The following STAG1 variants were observed in gnomAD, a reference collection of about 807,000 sequenced individuals.
The protein encoded by STAG1 is STAG1 cohesin complex component, also known as cohesin subunit SA-1.
STAG1 carries 26 observed loss-of-function variants against 170.9 expected under a neutral mutation model. That is an observed-to-expected ratio of 0.15 (90% CI 0.11 to 0.21). The LOEUF (loss-of-function observed/expected upper bound fraction) is 0.21. Among genes scored for constraint, STAG1 ranks in the 10% least tolerant of loss-of-function variants. The pLI, the probability that STAG1 is intolerant of heterozygous loss-of-function variation, is 1.00. For missense variants in STAG1, 964 were observed against 1,509.5 expected, an observed-to-expected ratio of 0.64 and a Z score of 5.99; for synonymous variants, 514 against 497.7, an observed-to-expected ratio of 1.03 and a Z score of -0.44.
chr3:136,446,980 T>A (rs2088799332), intron 14 of STAG1, among the ~76,000 whole-genome samples: 1 of 150,314 alleles, frequency 6.7e-6, no homozygotes, highest in Non-Finnish European at 1.5e-5. Context: ...ATTTTTGTAT[T>A]TTTAGTTGAG....
intron 12 of STAG1, among the ~76,000 whole-genome samples, chr3:136,470,089 T>A (rs2089585039): frequency 1.3e-5 from 2 of 152,128 alleles, no homozygotes; most frequent in Admixed American, 6.5e-5. Context: ...GGACTTCATG[T>A]CTAAAACACC....
At chr3:136,470,980 T>C (rs574165338) in intron 12 of STAG1, among the ~76,000 whole-genome samples, 3 of 123,402 alleles carry the variant, frequency 2.4e-5, no homozygotes, top group African/African-American at 8.9e-5. Context: ...CTGGGGACTG[T>C]TGTGGGGTGG....
At chr3:136,744,906 C>T (rs902264997) in intron 1 of STAG1, among the ~76,000 whole-genome samples, 2 of 152,144 alleles carry the variant, frequency 1.3e-5, no homozygotes, top group African/African-American at 2.4e-5. Flanking sequence ...CAACTTCTGA[C>T]CTCAAGTGAT....
chr3:136,701,596 TA>T (rs1943064029), intron 1 of STAG1, among the ~76,000 whole-genome samples: 1 of 152,160 alleles, frequency 6.6e-6, no homozygotes, highest in Non-Finnish European at 1.5e-5. Flanking sequence ...CCCCCGGATG[TA>T]AATATGTTGA....
At chr3:136,510,352 C>G (rs71336064) in intron 7 of STAG1, among the ~76,000 whole-genome samples, 30 of 152,220 alleles carry the variant, frequency 2.0e-4, no homozygotes, top group South Asian at 4.1e-4. Context: ...TGCAGTGGTG[C>G]GATCTCAGCT....
At chr3:136,684,489 C>T (rs1425838931) in intron 1 of STAG1, among the ~76,000 whole-genome samples, 2 of 152,156 alleles carry the variant, frequency 1.3e-5, no homozygotes, top group Non-Finnish European at 2.9e-5. Context: ...TTGGCTCGCG[C>T]CTGTAATTCC....
At chr3:136,381,654 T>C (rs1376168179) in intron 22 of STAG1, among the ~76,000 whole-genome samples, 1 of 152,192 alleles carries the variant, frequency 6.6e-6, no homozygotes, top group African/African-American at 2.4e-5. Context: ...AGAAGTCTTT[T>C]AAGGTTGATG....
intron 4 of STAG1, among the ~76,000 whole-genome samples, chr3:136,582,597 G>A (rs748732137): frequency 2.0e-5 from 3 of 152,162 alleles, no homozygotes; most frequent in South Asian, 2.1e-4. Context: ...TCAGGAGTTC[G>A]AGACCAGCCT....
At chr3:136,390,976 G>A (rs953255367) in intron 22 of STAG1, among the ~76,000 whole-genome samples, 13 of 152,178 alleles carry the variant, frequency 8.5e-5, no homozygotes, top group African/African-American at 2.7e-4. Context: ...GCCACTATCA[G>A]TCCCACCTTC....
chr3:136,706,373 A>G (rs554364310), intron 1 of STAG1, among the ~76,000 whole-genome samples: 10 of 152,266 alleles, frequency 6.6e-5, no homozygotes, highest in African/African-American at 2.2e-4. Flanking sequence ...CTAAACTGAT[A>G]AAAAAATTGA....
At chr3:136,485,259 C>T (rs542631065) in intron 9 of STAG1, among the ~76,000 whole-genome samples, 1 of 152,244 alleles carries the variant, frequency 6.6e-6, no homozygotes, top group Non-Finnish European at 1.5e-5. Context: ...AGATCGAGAA[C>T]ATCCTGGCAA....
chr3:136,560,307 A>G (rs779141869), intron 5 of STAG1, among the ~76,000 whole-genome samples: 1 of 152,232 alleles, frequency 6.6e-6, no homozygotes, highest in African/African-American at 2.4e-5. Context: ...TCTGTCAATG[A>G]AAACTACTTA....
chr3:136,740,264 C>T (rs1006272675), intron 1 of STAG1, among the ~76,000 whole-genome samples: 2 of 152,030 alleles, frequency 1.3e-5, no homozygotes, highest in Non-Finnish European at 2.9e-5. Context: ...AGAATTTTAA[C>T]GCAAACACTC....
chr3:136,555,540 G>A (rs1005522281), intron 5 of STAG1, among the ~76,000 whole-genome samples: 13 of 152,022 alleles, frequency 8.6e-5, no homozygotes, highest in Middle Eastern at 3.4e-3. Context: ...AAAAACAGCT[G>A]GGCATGGTGG....
chr3:136,531,638 T>C (rs1210054404), intron 6 of STAG1, among the ~76,000 whole-genome samples: 2 of 151,500 alleles, frequency 1.3e-5, no homozygotes, highest in Admixed American at 6.6e-5. Context: ...GAAATCATCA[T>C]TCTCAGTAAA....
chr3:136,588,384 T>C (rs1937954268), intron 4 of STAG1, among the ~76,000 whole-genome samples: 1 of 152,288 alleles, frequency 6.6e-6, no homozygotes, highest in Admixed American at 6.5e-5. Context: ...ATGCTCAGGC[T>C]GTAGTGCAAT....
At chr3:136,613,784 G>C (rs558417630) in intron 3 of STAG1, among the ~76,000 whole-genome samples, 2 of 152,076 alleles carry the variant, frequency 1.3e-5, no homozygotes, top group East Asian at 1.9e-4. Context: ...CACTGTGCCC[G>C]GCCAATTAAT....
At chr3:136,608,797 CAAAAAAAAAAAA>C (rs34993713) in intron 3 of STAG1, among the ~76,000 whole-genome samples, 7 of 79,192 alleles carry the variant, frequency 8.8e-5, no homozygotes, top group Admixed American at 3.1e-4. Context: ...GACCCTATCT[CAAAAAAAAAAAA>C]AAAAAAAAAA....
At chr3:136,371,412 A>G (rs1417964269) in intron 23 of STAG1, among the ~76,000 whole-genome samples, 1 of 152,296 alleles carries the variant, frequency 6.6e-6, no homozygotes, top group South Asian at 2.1e-4. Flanking sequence ...TTGGTGTTTT[A>G]GACATGAAGT....
Sources: allele counts gnomAD v4.1 joint callset (sites outside exome capture counted in the v4.1 genomes callset), GRCh38; gene constraint gnomAD v4.1.1; transcripts MANE v1.5; gene names NCBI Gene and HGNC (gene_info 2026-07-23, HGNC 2026-07-21).